The following LRRC19 variants were observed in gnomAD, a reference collection of about 807,000 sequenced individuals.
The protein encoded by LRRC19 is leucine-rich repeat-containing protein 19.
Under a neutral mutation model 33.3 loss-of-function variants are expected in LRRC19, and 33 were observed. That is an observed-to-expected ratio of 0.99 (90% CI 0.75 to 1.33). The LOEUF is 1.33. Among genes scored for constraint, LRRC19 ranks in the 40% most tolerant of loss-of-function variants. The probability of loss-of-function intolerance (pLI) is 0.00; values close to 1 mark genes in which losing one functional copy is unlikely to be tolerated. For synonymous variants in LRRC19, 184 were observed against 152.3 expected, an observed-to-expected ratio of 1.21 and a Z score of -1.53; for missense variants, 463 against 417.3, an observed-to-expected ratio of 1.11 and a Z score of -0.95.
chr9:27,002,936 T>A (rs1022014602), intron 1 of LRRC19, among the ~76,000 whole-genome samples: 4 of 151,892 alleles, frequency 2.6e-5, no homozygotes, highest in Non-Finnish European at 5.9e-5. Flanking sequence ...ATATTTCCAT[T>A]TTTTTTTGTA....
intron 2 of LRRC19, 146 bp downstream of exon 2, chr9:26,999,468 G>T: frequency 2.2e-6 from 1 of 450,564 alleles, no homozygotes; most frequent in Non-Finnish European, 3.7e-6. Context: ...TTGTCAAATT[G>T]GAATTTGGAT....
Position 26,996,402 on chromosome 9 carries a change from A to C in LRRC19, c.693T>G (p.Pro231=). The change falls in exon 4 of 5, where the codon CCT becomes CCG. Residue 231 remains proline (P), a synonymous_variant. Coordinates refer to ENST00000380055, the MANE Select transcript of LRRC19 (RefSeq NM_022901.3). ...PHKAECHSKF[P]SSVTEDLYIH... is the part of the protein sequence containing the mutation. Reference sequence around the variant, plus strand: ...TATAAAGATCTTCAGTTACTGATGAAGGAAATTTTGAGTGGCATTCAGCCT... The same window carrying C: ...TATAAAGATCTTCAGTTACTGATGACGGAAATTTTGAGTGGCATTCAGCCT... The C allele has an allele frequency of 6.2e-7, 1 of 1,611,036 alleles. No homozygotes were observed.
intron 1 of LRRC19, among the ~76,000 whole-genome samples, chr9:27,003,852 T>A (rs1563965589): frequency 6.6e-6 from 1 of 152,244 alleles, no homozygotes; most frequent in African/African-American, 2.4e-5. Flanking sequence ...AGAAGAGGGA[T>A]GCCTAAATCA....
rs1828727769 is a variant in LRRC19 at position 27,005,470 on chromosome 9, A to C, written c.-10+122T>G. 2.0e-5 allele frequency: 3 copies of C among 150,624 alleles called. No homozygotes were observed. In the Admixed American group the frequency reaches 2.0e-4, roughly 10 times the overall value. 9.3% of individuals were successfully genotyped at this position (150,624 alleles called of 1,614,324 possible). Reference sequence around the variant, plus strand: ...TTTGAGGTAGACCATGTGAAAATATAATCATATTTTCTTATTTTTCATCAC... The same window carrying C: ...TTTGAGGTAGACCATGTGAAAATATCATCATATTTTCTTATTTTTCATCAC... On this transcript the variant is annotated intron_variant, in intron 1 of 4. Coordinates refer to ENST00000380055, the MANE Select transcript of LRRC19 (RefSeq NM_022901.3).
chr9:26,999,772 T>A, intron 1 of LRRC19, 69 bp from the exon 2 acceptor site: 101 of 313,722 alleles, frequency 3.2e-4, no homozygotes, highest in Non-Finnish European at 4.3e-4. Flanking sequence ...TGTTTATTCT[T>A]TTTTTTTTTT....
rs1451833727 is a variant in LRRC19, at chr9:26,995,055, T to C, written c.*466A>G. On this transcript the variant is annotated 3_prime_UTR_variant, in exon 5 of 5. Transcript: ENST00000380055. ...ATTTTCCAACTCTATGATTTTATTC[T>C]GGGAGCATAAAATCAATCTTAGTGT... 6.6e-6 allele frequency: 1 copy of C among 152,404 alleles called. No individual in the cohort carries two copies. Among genetic ancestry groups the C allele is most frequent in the Non-Finnish European group, 1.5e-5 (1 of 68,168 alleles). The allele number at this position is 152,404 out of a possible 1,614,324, so 9.4% of individuals were successfully genotyped here. A position where few individuals can be genotyped will look rare whatever the true frequency, so the allele number is the denominator to read the frequency against.
Position 26,999,609 on chromosome 9 carries a change from C to CTTA in LRRC19, c.81+2_81+4dup, listed in dbSNP as rs1828364747. 1 of 1,572,888 alleles carries CTTA rather than the reference C, an allele frequency of 6.4e-7. No individual in the cohort carries two copies. The highest frequency in any genetic ancestry group is 8.7e-7 in the Non-Finnish European group (1 of 1,152,658). On this transcript the variant is annotated splice_donor_region_variant and intron_variant, in intron 2 of 4. Coordinates refer to ENST00000380055, the MANE Select transcript of LRRC19 (RefSeq NM_022901.3). ...ATTTTTACTATTTTGATTGTAAAAA[C>CTTA]TTACTCTTTTAGAAGACTGGATTTT...
Position 26,995,535 on chromosome 9 carries a change from A to G in LRRC19, c.1099T>C (p.Cys367Arg), listed in dbSNP as rs1828100229. ...EDKYIDIHEL[C>R]EEN ...TTTGAAAGAAATTAATTTTCTTCAC[A>G]TAATTCATGGATATCTATATATTTG... The change falls in exon 5 of 5, where the codon TGT becomes CGT. Residue 367 changes from cysteine (C) to arginine (R), a missense_variant. Transcript: ENST00000380055. 1.3e-6 allele frequency: 2 copies of G among 1,551,310 alleles called. No homozygotes were observed.
At chr9:27,005,352 T>TCCCCCCCCCCCC (rs1443234170) in intron 1 of LRRC19, among the ~76,000 whole-genome samples, 3 of 18,950 alleles carry the variant, frequency 1.6e-4, no homozygotes, top group East Asian at 4.7e-3. Flanking sequence ...TGAAACCATT[T>TCCCCCCCCCCCC]CCCCCCCCGC....
At position 26,994,203 on chromosome 9, in the gene LRRC19, A is replaced by G. The variant is rs1352176407; in HGVS notation, c.*1318T>C. 1 of 152,212 alleles carries G rather than the reference A, an allele frequency of 6.6e-6. No homozygotes were observed. Among genetic ancestry groups the G allele is most frequent in the Non-Finnish European group, 1.5e-5 (1 of 68,036 alleles). The allele number at this position is 152,212 out of a possible 1,614,324, so 9.4% of individuals were successfully genotyped here. A position where few individuals can be genotyped will look rare whatever the true frequency, so the allele number is the denominator to read the frequency against. On this transcript the variant is annotated 3_prime_UTR_variant, in exon 5 of 5. Coordinates refer to ENST00000380055, the MANE Select transcript of LRRC19 (RefSeq NM_022901.3). The stretch of plus-strand genomic sequence containing the variant: ...TTTAATACTTTGCTCTTGAATAATC[A>G]GAGAGCAGTTTAGCTTAGTAAAGTT...
In LRRC19 at chr9:26,993,993, A is replaced by G. The variant is rs371648372; in HGVS notation, c.*1528T>C. The G allele has an allele frequency of 6.6e-6, 1 of 152,226 alleles. No individual in the cohort carries two copies. 9.4% of individuals were successfully genotyped at this position (152,226 alleles called of 1,614,324 possible). ...AATGTACTGTTTGCATTGATAAATT[A>G]TTAAATTGTGATTATAGCCAATTGA... On this transcript the variant is annotated 3_prime_UTR_variant, in exon 5 of 5. Transcript: ENST00000380055.
At chr9:27,001,912 G>C (rs1296008239) in intron 1 of LRRC19, among the ~76,000 whole-genome samples, 1 of 151,078 alleles carries the variant, frequency 6.6e-6, no homozygotes, top group Non-Finnish European at 1.5e-5. Flanking sequence ...CAGTGTTCTA[G>C]AGCAATTCTC....
intron 1 of LRRC19, among the ~76,000 whole-genome samples, chr9:27,000,426 A>G (rs1285938309): frequency 3.3e-5 from 5 of 152,138 alleles, no homozygotes; most frequent in South Asian, 2.1e-4. Flanking sequence ...GGCATTATCT[A>G]TCTATTATTC....
rs572927524 is a variant in LRRC19 at position 26,995,572 on chromosome 9, TC to T, written c.1061del (p.Gly354AspfsTer8). The T allele has an allele frequency of 3.8e-6, 6 of 1,598,318 alleles. No homozygotes were observed. The South Asian group carries it at 6.6e-5, about 18-fold the overall frequency. Reference sequence around the variant, plus strand: ...TATCTATATATTTGTCTTCAATAAATCCATCATCATCTACCACAAATGAATG... The same window carrying T: ...TATCTATATATTTGTCTTCAATAAATCATCATCATCTACCACAAATGAATG... The part of the protein sequence containing the change: ...QLHSFVVDDD[G>X]FIEDKYIDIH... On this transcript the variant is annotated frameshift_variant, in exon 5 of 5. Transcript: ENST00000380055. LOFTEE classifies it high-confidence loss of function.
chr9:26,997,861 G>A lies in LRRC19; in HGVS notation c.462C>T (p.Gly154=), dbSNP rs779354710. The A allele has an allele frequency of 1.5e-5, 25 of 1,613,998 alleles. No homozygotes were observed. The highest frequency in any genetic ancestry group is 1.9e-5 in the Non-Finnish European group (22 of 1,180,022). The change falls in exon 3 of 5, where the codon GGC becomes GGT. Residue 154 remains glycine, a synonymous_variant. Coordinates refer to ENST00000380055, the MANE Select transcript of LRRC19 (RefSeq NM_022901.3). The stretch of plus-strand genomic sequence containing the variant: ...GTACATCCAAATAGCTAATCAAATT[G>A]CCTTGCAGATTCAGAAGTTTTAGGC... ...LRSLKLLNLQ[G]NLISYLDVPP...
chr9:27,003,051 C>T (rs992244562), intron 1 of LRRC19, among the ~76,000 whole-genome samples: 5 of 152,022 alleles, frequency 3.3e-5, no homozygotes, highest in African/African-American at 9.7e-5. Context: ...TTGTAGCTAT[C>T]GTAAACAGGC....
chr9:27,001,925 A>G (rs1021223178), intron 1 of LRRC19, among the ~76,000 whole-genome samples: 2 of 148,074 alleles, frequency 1.4e-5, no homozygotes, highest in Admixed American at 6.9e-5. Context: ...CAATTCTCCA[A>G]CGTTTTCTTT....
chr9:26,996,208 C>A (rs932873804), intron 4 of LRRC19, 103 bp downstream of exon 4: 21 of 762,646 alleles, frequency 2.8e-5, no homozygotes, highest in Admixed American at 3.6e-5. Flanking sequence ...GATGAGGAAT[C>A]TTTCTTTTAC....
chr9:27,002,934 A>T (rs373112389), intron 1 of LRRC19, among the ~76,000 whole-genome samples: 1 of 150,502 alleles, frequency 6.6e-6, no homozygotes, highest in Admixed American at 6.6e-5. Flanking sequence ...TTATATTTCC[A>T]TTTTTTTTTG....
Sources: allele counts gnomAD v4.1 joint callset (sites outside exome capture counted in the v4.1 genomes callset), GRCh38; gene constraint gnomAD v4.1.1; transcripts MANE v1.5; gene names NCBI Gene and HGNC (gene_info 2026-07-23, HGNC 2026-07-21).